Variants in FBXL17 observed in about 807,000 individuals in gnomAD.
FBXL17 encodes F-box/LRR-repeat protein 17.
FBXL17 carries 22 observed loss-of-function variants against 66.2 expected under a neutral mutation model. The observed-to-expected ratio is 0.33, with a 90% confidence interval of 0.24 to 0.47. FBXL17 has a LOEUF of 0.47. Ranked by LOEUF, FBXL17 falls within the 20% of genes least tolerant of loss-of-function variation. The pLI is 1.00. For synonymous variants in FBXL17, 474 were observed against 400.5 expected (o/e 1.18, Z -2.19); for missense variants, 878 against 948.2 (o/e 0.93, Z 0.97).
intron 8 of FBXL17, among the ~76,000 whole-genome samples, chr5:107,862,620 C>T (rs1215373672): frequency 2.0e-5 from 3 of 152,152 alleles, no homozygotes; most frequent in Non-Finnish European, 4.4e-5. Context: ...AAATGATTAA[C>T]CTAAGAACCA....
At chr5:107,882,491 AT>A (rs1193557426) in intron 7 of FBXL17, among the ~76,000 whole-genome samples, 2 of 152,186 alleles carry the variant, frequency 1.3e-5, no homozygotes, top group Admixed American at 6.5e-5. Context: ...TAGAGAGACA[AT>A]TTTTTTAAAA....
intron 7 of FBXL17, among the ~76,000 whole-genome samples, chr5:107,923,498 G>T (rs1750392531): frequency 6.6e-6 from 1 of 152,108 alleles, no homozygotes; most frequent in South Asian, 2.1e-4. Context: ...TTCCACAGCT[G>T]CCTGGCACAA....
chr5:108,007,742 A>T (rs556174357), intron 7 of FBXL17, among the ~76,000 whole-genome samples: 7 of 152,284 alleles, frequency 4.6e-5, no homozygotes, highest in Admixed American at 4.6e-4. Flanking sequence ...GTAGATTTCA[A>T]ATGAAGTCTA....
intron 7 of FBXL17, among the ~76,000 whole-genome samples, chr5:107,959,652 T>C (rs1751817547): frequency 6.6e-6 from 1 of 152,128 alleles, no homozygotes; most frequent in African/African-American, 2.4e-5. Flanking sequence ...TGCATAAAGT[T>C]TTGTCATAAT....
At chr5:108,025,773 G>T (rs1754797293) in intron 6 of FBXL17, among the ~76,000 whole-genome samples, 2 of 149,356 alleles carry the variant, frequency 1.3e-5, no homozygotes, top group Non-Finnish European at 3.0e-5. Flanking sequence ...CACGAAAGGA[G>T]TAAAAATTGT....
At chr5:108,125,681 G>C (rs1021787112) in intron 6 of FBXL17, among the ~76,000 whole-genome samples, 2 of 152,028 alleles carry the variant, frequency 1.3e-5, no homozygotes, top group African/African-American at 4.8e-5. Context: ...TATGTTAATA[G>C]TAATTTGGGT....
intron 3 of FBXL17, among the ~76,000 whole-genome samples, chr5:108,351,591 G>C (rs1366820766): frequency 6.6e-6 from 1 of 152,150 alleles, no homozygotes. Context: ...TAGTCAGTTA[G>C]CCAAACTCCA....
At chr5:108,335,110 T>G (rs898247000) in intron 4 of FBXL17, among the ~76,000 whole-genome samples, 7 of 152,156 alleles carry the variant, frequency 4.6e-5, no homozygotes, top group Non-Finnish European at 1.0e-4. Context: ...AGTTTTTAGA[T>G]GTTAGAAATT....
At chr5:108,023,289 C>G (rs761023060) in intron 6 of FBXL17, among the ~76,000 whole-genome samples, 1 of 152,048 alleles carries the variant, frequency 6.6e-6, no homozygotes, top group Non-Finnish European at 1.5e-5. Context: ...AATTTTATAT[C>G]TGTTATGGAT....
chr5:108,338,758 A>G (rs1418271187), intron 4 of FBXL17, among the ~76,000 whole-genome samples: 5 of 152,152 alleles, frequency 3.3e-5, no homozygotes, highest in African/African-American at 1.2e-4. Context: ...AACAACAAAA[A>G]GAATCCACCC....
intron 4 of FBXL17, among the ~76,000 whole-genome samples, chr5:108,253,071 C>G (rs1312414060): frequency 1.3e-5 from 2 of 152,062 alleles, no homozygotes; most frequent in Non-Finnish European, 2.9e-5. Flanking sequence ...AGCAGATTAC[C>G]ATATCAATAA....
chr5:108,002,865 T>G (rs1361710377), intron 7 of FBXL17, among the ~76,000 whole-genome samples: 1 of 152,110 alleles, frequency 6.6e-6, no homozygotes, highest in Non-Finnish European at 1.5e-5. Flanking sequence ...AAAAGACTAA[T>G]CTATATAGAC....
At chr5:108,122,740 T>A (rs1750551990) in intron 6 of FBXL17, among the ~76,000 whole-genome samples, 1 of 152,188 alleles carries the variant, frequency 6.6e-6, no homozygotes, top group South Asian at 2.1e-4. Context: ...CTGAATTATT[T>A]ATCTGCAAAA....
intron 4 of FBXL17, among the ~76,000 whole-genome samples, chr5:108,271,230 T>C (rs1174771738): frequency 6.6e-6 from 1 of 152,202 alleles, no homozygotes; most frequent in African/African-American, 2.4e-5. Flanking sequence ...TGGAGCTCCC[T>C]TCCTCTTCCA....
chr5:107,931,853 T>C (rs1750747232), intron 7 of FBXL17, among the ~76,000 whole-genome samples: 1 of 152,206 alleles, frequency 6.6e-6, no homozygotes, highest in African/African-American at 2.4e-5. Flanking sequence ...TACCACTCGG[T>C]ATTATATTTC....
At chr5:108,330,725 C>T (rs913517383) in intron 4 of FBXL17, among the ~76,000 whole-genome samples, 1 of 152,150 alleles carries the variant, frequency 6.6e-6, no homozygotes, top group East Asian at 1.9e-4. Context: ...GGTACACACA[C>T]ATCATCACAC....
chr5:108,050,074 C>T (rs1380829463), intron 6 of FBXL17, among the ~76,000 whole-genome samples: 1 of 152,096 alleles, frequency 6.6e-6, no homozygotes, highest in Non-Finnish European at 1.5e-5. Flanking sequence ...ACAGGAGCAC[C>T]CAGATTCATA....
intron 6 of FBXL17, among the ~76,000 whole-genome samples, chr5:108,113,432 C>T (rs1424710445): frequency 6.6e-6 from 1 of 151,704 alleles, no homozygotes; most frequent in African/African-American, 2.4e-5. Flanking sequence ...TGTATATATG[C>T]TATACACATA....
chr5:108,300,899 T>C (rs1408383942), intron 4 of FBXL17, among the ~76,000 whole-genome samples: 2 of 151,692 alleles, frequency 1.3e-5, no homozygotes, highest in Non-Finnish European at 3.0e-5. Context: ...ATAAAATGAA[T>C]ATTAAAGAAT....
Sources: gnomAD v4.1 joint callset for allele counts (sites outside exome capture counted in the v4.1 genomes callset) on GRCh38, gnomAD v4.1.1 for gene constraint, MANE v1.5 for transcripts, NCBI Gene and HGNC (gene_info 2026-07-23, HGNC 2026-07-21) for gene names.